NDST4: variants seen among roughly 807,000 people sequenced by gnomAD.
NDST4 encodes the protein N-heparan sulfate sulfotransferase 4.
In NDST4, 63 loss-of-function variants were observed where a neutral mutation model predicts 100.8. The ratio of observed to expected loss-of-function variants is 0.62; its 90% confidence interval spans 0.51 to 0.77. NDST4 has a LOEUF of 0.77. Among genes scored for constraint, NDST4 ranks in the 30% least tolerant of loss-of-function variants. The pLI is 0.00. For missense variants in NDST4, 943 were observed against 1,018.4 expected (o/e 0.93, Z 1.01); for synonymous variants, 377 against 361.8 (o/e 1.04, Z -0.48).
chr4:115,083,433 C>T (rs1729342391), intron 1 of NDST4, among the ~76,000 whole-genome samples: 1 of 152,166 alleles, frequency 6.6e-6, no homozygotes, highest in African/African-American at 2.4e-5. Context: ...GCACTCCAGC[C>T]TGGGTGACAG....
At chr4:114,957,350 A>G (rs941810409) in intron 4 of NDST4, among the ~76,000 whole-genome samples, 1 of 152,202 alleles carries the variant, frequency 6.6e-6, no homozygotes, top group African/African-American at 2.4e-5. Context: ...GAGATTGTGT[A>G]GGGGATCTCC....
intron 7 of NDST4, among the ~76,000 whole-genome samples, chr4:114,868,798 T>C (rs901654383): frequency 2.6e-5 from 4 of 151,614 alleles, no homozygotes; most frequent in Non-Finnish European, 5.9e-5. Context: ...TATATGAAAA[T>C]TCCTAAACTT....
intron 7 of NDST4, among the ~76,000 whole-genome samples, chr4:114,854,095 C>T (rs546241078): frequency 4.6e-5 from 7 of 152,292 alleles, no homozygotes; most frequent in Admixed American, 4.6e-4. Context: ...CACCCATTAA[C>T]GATCCCCATT....
At chr4:114,903,137 T>C (rs1020271930) in intron 6 of NDST4, among the ~76,000 whole-genome samples, 4 of 152,110 alleles carry the variant, frequency 2.6e-5, no homozygotes, top group Non-Finnish European at 4.4e-5. Flanking sequence ...ATGCCTTGTA[T>C]GCTTCGTAAT....
At chr4:114,882,097 CAT>C (rs772681585) in intron 6 of NDST4, among the ~76,000 whole-genome samples, 31 of 151,248 alleles carry the variant, frequency 2.0e-4, no homozygotes, top group East Asian at 3.9e-4. Context: ...TTTTCTCACA[CAT>C]GTTTACTCTC....
chr4:114,949,212 G>A (rs1725935730), intron 4 of NDST4, among the ~76,000 whole-genome samples: 1 of 151,684 alleles, frequency 6.6e-6, no homozygotes, highest in Admixed American at 6.6e-5. Context: ...AATTTTTTTA[G>A]AAAGTATTAA....
intron 2 of NDST4, among the ~76,000 whole-genome samples, chr4:115,039,496 T>C (rs1433836534): frequency 6.6e-6 from 1 of 151,916 alleles, no homozygotes; most frequent in Non-Finnish European, 1.5e-5. Flanking sequence ...ATAGGACAAA[T>C]AAATTGATAT....
intron 2 of NDST4, among the ~76,000 whole-genome samples, chr4:115,023,562 A>T (rs1578462878): frequency 6.6e-6 from 1 of 152,076 alleles, no homozygotes; most frequent in African/African-American, 2.4e-5. Context: ...AAATAAAAAA[A>T]TTAATAAATC....
At chr4:114,841,256 G>A (rs1723417470) in intron 10 of NDST4, among the ~76,000 whole-genome samples, 1 of 152,140 alleles carries the variant, frequency 6.6e-6, no homozygotes, top group Non-Finnish European at 1.5e-5. Flanking sequence ...GCTCCTCTGC[G>A]AGGTCCGTTA....
chr4:114,922,773 C>T (rs1430576357), intron 6 of NDST4, among the ~76,000 whole-genome samples: 1 of 152,198 alleles, frequency 6.6e-6, no homozygotes, highest in East Asian at 1.9e-4. Flanking sequence ...GTGGTAGACA[C>T]ATGCGGTTAT....
intron 2 of NDST4, among the ~76,000 whole-genome samples, chr4:115,074,185 C>T (rs1196681617): frequency 6.6e-6 from 1 of 151,866 alleles, no homozygotes; most frequent in African/African-American, 2.4e-5. Context: ...TTATTGTATT[C>T]TATTTGGAGT....
At chr4:115,078,701 CATG>C (rs1320950991) in intron 1 of NDST4, among the ~76,000 whole-genome samples, 9 of 151,924 alleles carry the variant, frequency 5.9e-5, no homozygotes, top group African/African-American at 1.9e-4. Flanking sequence ...AATTAGCAGG[CATG>C]GTGGTGGGTG....
intron 6 of NDST4, among the ~76,000 whole-genome samples, chr4:114,899,268 C>T (rs1397083880): frequency 6.6e-6 from 1 of 152,182 alleles, no homozygotes; most frequent in Non-Finnish European, 1.5e-5. Flanking sequence ...ACCTCCGCCT[C>T]CCAGGTTCAA....
chr4:115,004,495 G>A (rs1335316972), intron 2 of NDST4, among the ~76,000 whole-genome samples: 1 of 152,118 alleles, frequency 6.6e-6, no homozygotes, highest in Non-Finnish European at 1.5e-5. Context: ...GGTGCACTAT[G>A]TACAACGAAG....
intron 2 of NDST4, among the ~76,000 whole-genome samples, chr4:115,016,220 A>G (rs1727673893): frequency 1.3e-5 from 2 of 152,068 alleles, no homozygotes; most frequent in African/African-American, 4.8e-5. Context: ...GATTAGTGGA[A>G]AGGCATTTTA....
At chr4:115,110,669 CT>C (rs1390540000) in intron 1 of NDST4, among the ~76,000 whole-genome samples, 11 of 151,992 alleles carry the variant, frequency 7.2e-5, no homozygotes, top group African/African-American at 2.6e-4. Context: ...ATCGTTATTT[CT>C]TTTTCTTTTC....
chr4:114,881,021 C>T (rs1237594790), intron 6 of NDST4, among the ~76,000 whole-genome samples: 1 of 152,018 alleles, frequency 6.6e-6, no homozygotes, highest in Non-Finnish European at 1.5e-5. Flanking sequence ...CAATGTGGTT[C>T]ATGAAAGGAA....
intron 6 of NDST4, among the ~76,000 whole-genome samples, chr4:114,907,664 G>A (rs115388555): frequency 2.3e-3 from 353 of 152,092 alleles, no homozygotes; most frequent in African/African-American, 8.1e-3. Context: ...TAGGGGATCA[G>A]TTACAAGTTT....
intron 7 of NDST4, among the ~76,000 whole-genome samples, chr4:114,860,512 A>G (rs1723896264): frequency 6.6e-6 from 1 of 152,084 alleles, no homozygotes; most frequent in Non-Finnish European, 1.5e-5. Flanking sequence ...ATAAAGCCAC[A>G]CTCCCTGGAT....
Sources: allele counts gnomAD v4.1 joint callset (sites outside exome capture counted in the v4.1 genomes callset), GRCh38; gene constraint gnomAD v4.1.1; transcripts MANE v1.5; gene names NCBI Gene and HGNC (gene_info 2026-07-23, HGNC 2026-07-21).